The following SEMA3F variants were observed in gnomAD, a reference collection of about 807,000 sequenced individuals.
SEMA3F encodes the protein semaphorin 3F.
In SEMA3F, 30 loss-of-function variants were observed where a neutral mutation model predicts 98.5. That is an observed-to-expected ratio of 0.30 (90% confidence interval 0.23 to 0.41). The LOEUF (loss-of-function observed/expected upper bound fraction) is 0.41. Ranked by LOEUF, SEMA3F falls within the 10% of genes least tolerant of loss-of-function variation. The pLI, the probability that SEMA3F is intolerant of heterozygous loss-of-function variation, is 1.00. For missense variants in SEMA3F, 866 were observed against 1,119.3 expected, an observed-to-expected ratio of 0.77 and a Z score of 3.23; for synonymous variants, 380 against 444.8, an observed-to-expected ratio of 0.85 and a Z score of 1.83.
In SEMA3F at chr3:50,185,591, C is replaced by G; in HGVS notation, c.1545+60C>G. On this transcript the variant is annotated intron_variant, in intron 14 of 18. Coordinates refer to ENST00000002829, the MANE Select transcript of SEMA3F (RefSeq NM_004186.5). ...CCTTTACCCTCCCCCCAGTCCCAGC[C>G]TCTGACCTGAGACCTCTAGGTCAGG... is the stretch of plus-strand genomic sequence containing the variant. 10 of 1,612,490 alleles carry G rather than the reference C, an allele frequency of 6.2e-6. No individual in the cohort carries two copies. In the Middle Eastern group the frequency reaches 4.9e-4, roughly 80 times the overall value.
rs539049182 is a variant in SEMA3F, at chr3:50,186,278, C to T, written c.1746-3C>T. On this transcript the variant is annotated splice_polypyrimidine_tract_variant and splice_region_variant and intron_variant, in intron 16 of 18. Transcript: ENST00000002829. ...CACTCCTTCAGGGGCTATCCTCATC[C>T]AGGCGGAGCCGCCGGCAGGACGTCC... 296 of 1,613,458 alleles carry T rather than the reference C, an allele frequency of 1.8e-4. 2 individuals carry two copies. In the South Asian group the frequency reaches 3.0e-3, roughly 17 times the overall value.
At chr3:50,183,158 C>G in intron 10 of SEMA3F, 28 bp from the exon 11 acceptor site, 3 of 1,612,040 alleles carry the variant, frequency 1.9e-6, no homozygotes, top group Non-Finnish European at 2.5e-6. Flanking sequence ...CCATGGCACC[C>G]TCCAACACCT....
At chr3:50,174,384 C>A in intron 5 of SEMA3F, 34 bp downstream of exon 5, 1 of 1,588,114 alleles carries the variant, frequency 6.3e-7, no homozygotes, top group African/African-American at 1.3e-5. Flanking sequence ...TGTGCTGCCC[C>A]CGCTGGTGGC....
Position 50,159,371 on chromosome 3 carries a change from G to A in SEMA3F, c.-48-204G>A, listed in dbSNP as rs148994494. 2.9e-4 allele frequency: 133 copies of A among 460,384 alleles called. 2 individuals carry two copies. In the East Asian group the frequency reaches 3.5e-3, roughly 12 times the overall value. 28.5% of individuals were successfully genotyped at this position (460,384 alleles called of 1,614,324 possible). ...TCCAGCAGCCCCCATCAGTTCTGGT[G>A]ACCCCAGGCTGGGGCCTATTGGTAC... On this transcript the variant is annotated intron_variant, in intron 1 of 18. Transcript: ENST00000002829.
At chr3:50,176,419 G>A (rs890472859) in intron 6 of SEMA3F, among the ~76,000 whole-genome samples, 1 of 152,328 alleles carries the variant, frequency 6.6e-6, no homozygotes, top group Non-Finnish European at 1.5e-5. Flanking sequence ...TGTAGCCCAG[G>A]GGGCCTTGGC....
At position 50,186,314 on chromosome 3, in the gene SEMA3F, C is replaced by T; in HGVS notation, c.1779C>T (p.Asn593=). Residue 593 remains asparagine, a synonymous_variant, in exon 17 of 19, where the codon AAC becomes AAT. Coordinates refer to ENST00000002829, the MANE Select transcript of SEMA3F (RefSeq NM_004186.5). ...RSRRQDVRHG[N]PIRQCRGFNS... ...GCCGGCAGGACGTCCGGCACGGAAA[C>T]CCCATCAGGCAGTGCCGTGGGTTCA... is the stretch of plus-strand genomic sequence containing the variant. 6.2e-7 allele frequency: 1 copy of T among 1,613,862 alleles called. No individual in the cohort carries two copies. The highest frequency in any genetic ancestry group is 8.5e-7 in the Non-Finnish European group (1 of 1,179,970).
chr3:50,176,534 C>G (rs1263402812), intron 6 of SEMA3F, among the ~76,000 whole-genome samples: 1 of 152,202 alleles, frequency 6.6e-6, no homozygotes, highest in East Asian at 1.9e-4. Flanking sequence ...GACTTGGTCC[C>G]CAGGTCTTCC....
In SEMA3F at chr3:50,186,274, C is replaced by T. The variant is rs1699208259; in HGVS notation, c.1746-7C>T. On this transcript the variant is annotated splice_polypyrimidine_tract_variant and splice_region_variant and intron_variant, in intron 16 of 18. Transcript: ENST00000002829. ...GGAGCACTCCTTCAGGGGCTATCCT[C>T]ATCCAGGCGGAGCCGCCGGCAGGAC... The T allele has an allele frequency of 6.2e-7, 1 of 1,613,366 alleles. No individual in the cohort carries two copies. The highest frequency in any genetic ancestry group is 1.7e-4 in the Middle Eastern group (1 of 6,054).
At chr3:50,172,563 AC>A (rs1459263071) in intron 2 of SEMA3F, among the ~76,000 whole-genome samples, 1 of 152,122 alleles carries the variant, frequency 6.6e-6, no homozygotes, top group East Asian at 1.9e-4. Flanking sequence ...AAACTAGAGG[AC>A]CCAGTTGAAC....
At chr3:50,176,378 G>A (rs1698808549) in intron 6 of SEMA3F, among the ~76,000 whole-genome samples, 5 of 152,168 alleles carry the variant, frequency 3.3e-5, no homozygotes, top group Admixed American at 2.0e-4. Context: ...CTTGACCCAA[G>A]ACAGGCAGCC....
intron 2 of SEMA3F, among the ~76,000 whole-genome samples, chr3:50,167,319 A>G (rs1190624382): frequency 6.6e-6 from 1 of 152,086 alleles, no homozygotes; most frequent in Non-Finnish European, 1.5e-5. Context: ...GGCCGGAGAG[A>G]CCCCATCTGC....
At chr3:50,172,207 G>A (rs1698638761) in intron 2 of SEMA3F, among the ~76,000 whole-genome samples, 1 of 152,212 alleles carries the variant, frequency 6.6e-6, no homozygotes, top group African/African-American at 2.4e-5. Flanking sequence ...AGTGCCTCAT[G>A]TGTGGTAGGA....
At chr3:50,173,737 G>A (rs757181901) in intron 2 of SEMA3F, 56 bp from the exon 3 acceptor site, 10 of 1,514,920 alleles carry the variant, frequency 6.6e-6, no homozygotes, top group East Asian at 2.3e-5. Flanking sequence ...ATCAGAGGGG[G>A]TATGGCTGGA....
chr3:50,155,548 C>G lies in SEMA3F; in HGVS notation c.-65C>G. The stretch of plus-strand genomic sequence containing the variant: ...CCGCCGCCGCCCGGGCGCCCAGGCC[C>G]CGCCGCTGCGGAAGAGGTGAGTGCA... On this transcript the variant is annotated 5_prime_UTR_variant, in exon 1 of 19. Transcript: ENST00000002829. The surrounding 1 kb of genome is among the most constrained non-coding windows in gnomAD (Gnocchi z 4.9). 1 of 318,436 alleles carries G rather than the reference C, an allele frequency of 3.1e-6. No individual in the cohort carries two copies. The highest frequency in any genetic ancestry group is 5.7e-6 in the Non-Finnish European group (1 of 174,520). The allele number at this position is 318,436 out of a possible 1,614,324, so 19.7% of individuals were successfully genotyped here. A position where few individuals can be genotyped will look rare whatever the true frequency, so the allele number is the denominator to read the frequency against.
rs372072692 is a variant in SEMA3F, at chr3:50,168,295, T to C, written c.113-5498T>C. 4.7e-4 allele frequency among the ~76,000 whole-genome samples: 72 copies of C among 151,812 alleles called. 1 individual carries two copies. The highest frequency in any genetic ancestry group is 1.6e-3 in the African/African-American group (68 of 41,362). ...GCTTCTAGGGTTCCCATCCAGAGCA[T>C]AGGGGGAAAAGGGGGAACTGGAGGA... On this transcript the variant is annotated intron_variant, in intron 2 of 18. Transcript: ENST00000002829.
chr3:50,182,543 G>C lies in SEMA3F; in HGVS notation c.764-101G>C. 1 of 1,573,190 alleles carries C rather than the reference G, an allele frequency of 6.4e-7. No individual in the cohort carries two copies. The highest frequency in any genetic ancestry group is 8.7e-7 in the Non-Finnish European group (1 of 1,152,886). On this transcript the variant is annotated intron_variant, in intron 8 of 18. Transcript: ENST00000002829. The surrounding 1 kb of genome is among the most constrained non-coding windows in gnomAD (Gnocchi z 4.5). ...GCAGGGGTAGTTTCTTATCTGGAGA[G>C]GAGTTGGGGGTGTTCTTGCACCTGG...
At chr3:50,181,960 T>C (rs1379386323) in intron 7 of SEMA3F, among the ~76,000 whole-genome samples, 3 of 152,242 alleles carry the variant, frequency 2.0e-5, no homozygotes, top group African/African-American at 4.8e-5. Flanking sequence ...TTGTTGTGTC[T>C]GTGGGGTAGA....
rs781220615 is a variant in SEMA3F at position 50,182,738 on chromosome 3, G to T, written c.858G>T (p.Ala286=). The change falls in exon 9 of 19, where the codon GCG becomes GCT. Residue 286 remains alanine (A), a synonymous_variant. Coordinates refer to ENST00000002829, the MANE Select transcript of SEMA3F (RefSeq NM_004186.5). This position sits in a 1 kb window ranked among gnomAD's most constrained non-coding sequence, Gnocchi z 4.5. ...YFFFRERSAE[A]PQSPAVYARI... is the part of the protein sequence containing the mutation. ...TCTTCCGTGAGCGGTCGGCAGAGGC[G>T]CCGCAGAGCCCCGCGGTGTACGCCC... is the stretch of plus-strand genomic sequence containing the variant. 1 of 1,613,298 alleles carries T rather than the reference G, an allele frequency of 6.2e-7. No homozygotes were observed. The highest frequency in any genetic ancestry group is 1.7e-5 in the Admixed American group (1 of 60,030).
chr3:50,165,663 G>C (rs1698377855), intron 2 of SEMA3F, among the ~76,000 whole-genome samples: 1 of 152,226 alleles, frequency 6.6e-6, no homozygotes, highest in African/African-American at 2.4e-5. Context: ...GAGGATTCCT[G>C]CTGCATTTTT....
Sources: allele counts gnomAD v4.1 joint callset (sites outside exome capture counted in the v4.1 genomes callset), GRCh38; gene constraint gnomAD v4.1.1; non-coding constraint Gnocchi (gnomAD v3.1); transcripts MANE v1.5; gene names NCBI Gene and HGNC (gene_info 2026-07-23, HGNC 2026-07-21).